RALA: variants seen among roughly 807,000 people sequenced by gnomAD.
RALA encodes the protein ras-related protein Ral-A.
In RALA, 5 loss-of-function variants were observed where a neutral mutation model predicts 24.0. The ratio of observed to expected loss-of-function variants is 0.21; its 90% CI spans 0.11 to 0.44. RALA has a LOEUF of 0.44. RALA is among the 20% of genes least tolerant of loss of function. RALA has a pLI of 0.99. For missense variants in RALA, 95 were observed against 241.2 expected, an observed-to-expected ratio of 0.39 and a Z score of 4.01; for synonymous variants, 77 against 83.8, an observed-to-expected ratio of 0.92 and a Z score of 0.44.
chr7:39,662,902 G>T (rs1279073476), intron 1 of RALA, among the ~76,000 whole-genome samples: 1 of 152,170 alleles, frequency 6.6e-6, no homozygotes, highest in Non-Finnish European at 1.5e-5. Context: ...TCCAAGACTG[G>T]GTAATTTATA....
intron 1 of RALA, among the ~76,000 whole-genome samples, chr7:39,661,247 C>T (rs1792183422): frequency 6.6e-6 from 1 of 152,170 alleles, no homozygotes; most frequent in South Asian, 2.1e-4. Context: ...GGGTACACAA[C>T]CAAACCATGT....
At chr7:39,624,469 A>G (rs1000305589) in intron 1 of RALA, 5 of 152,176 alleles carry the variant, frequency 3.3e-5, no homozygotes, top group African/African-American at 1.2e-4. Context: ...ACATTTTGGG[A>G]GAGAGGTGTT....
At chr7:39,704,467 G>A (rs570832062) in intron 4 of RALA, among the ~76,000 whole-genome samples, 5 of 151,538 alleles carry the variant, frequency 3.3e-5, no homozygotes, top group African/African-American at 1.2e-4. Context: ...ACAGGCATAC[G>A]CCACCACACC....
chr7:39,627,077 CTT>C (rs548792732), intron 1 of RALA, among the ~76,000 whole-genome samples: 3 of 145,936 alleles, frequency 2.1e-5, no homozygotes, highest in Non-Finnish European at 3.0e-5. Context: ...CTCTCTCTCT[CTT>C]TTTTTTTTTT....
Position 39,675,739 on chromosome 7 carries a change from T to TAA in RALA, c.-37-10871_-37-10870dup, listed in dbSNP as rs752072089. On this transcript the variant is annotated intron_variant, in intron 1 of 4. Coordinates refer to ENST00000005257, the MANE Select transcript of RALA (RefSeq NM_005402.4). ...CAGAGTGAGACCATGTCTGGGAAATTAAAAAAAAAAAAAAAAAAAAAACTG... is the reference window on the plus strand; with the variant it reads ...CAGAGTGAGACCATGTCTGGGAAATTAAAAAAAAAAAAAAAAAAAAAAAACTG... 3.7e-4 allele frequency among the ~76,000 whole-genome samples: 43 copies of TAA among 116,362 alleles called. 2 individuals are homozygous for TAA. In the South Asian group the frequency reaches 8.0e-3, roughly 22 times the overall value. 76.3% of individuals were successfully genotyped at this position (116,362 alleles called of 152,430 possible).
rs141823208 is a variant in RALA at position 39,707,839 on chromosome 7, G to T, written c.*1594G>T. 3.3e-5 allele frequency: 5 copies of T among 152,614 alleles called. No individual in the cohort carries two copies. The East Asian group carries it at 9.6e-4, about 29-fold the overall frequency. 9.5% of individuals were successfully genotyped at this position (152,614 alleles called of 1,614,324 possible). On this transcript the variant is annotated 3_prime_UTR_variant, in exon 5 of 5. Coordinates refer to ENST00000005257, the MANE Select transcript of RALA (RefSeq NM_005402.4). Reference sequence around the variant, plus strand: ...GTTTGAGATGTACATCTTTCATTTCGTATTTCTCATAGGCTATGCCATGTG... The same window carrying T: ...GTTTGAGATGTACATCTTTCATTTCTTATTTCTCATAGGCTATGCCATGTG...
At chr7:39,646,969 ATGT>A (rs1227326323) in intron 1 of RALA, among the ~76,000 whole-genome samples, 1 of 152,188 alleles carries the variant, frequency 6.6e-6, no homozygotes, top group African/African-American at 2.4e-5. Context: ...TAGTATATAA[ATGT>A]TGTGTTGGCA....
chr7:39,706,116 T>C lies in RALA; in HGVS notation c.499-7T>C. On this transcript the variant is annotated splice_polypyrimidine_tract_variant and splice_region_variant and intron_variant, in intron 4 of 4. Coordinates refer to ENST00000005257, the MANE Select transcript of RALA (RefSeq NM_005402.4). ...TGCTTTATTTATCCTATTTTTTTTC[T>C]TTCTAGGTATTTTTTGATTTAATGA... 3 of 1,595,292 alleles carry C rather than the reference T, an allele frequency of 1.9e-6. No individual in the cohort carries two copies. The highest frequency in any genetic ancestry group is 2.6e-6 in the Non-Finnish European group (3 of 1,170,890).
At chr7:39,645,554 G>A (rs754969763) in intron 1 of RALA, among the ~76,000 whole-genome samples, 9 of 152,076 alleles carry the variant, frequency 5.9e-5, no homozygotes, top group South Asian at 2.1e-4. Flanking sequence ...TCCATTTATC[G>A]TCAGTAAAGT....
intron 1 of RALA, among the ~76,000 whole-genome samples, chr7:39,678,300 G>A (rs1206586738): frequency 6.6e-6 from 1 of 152,114 alleles, no homozygotes; most frequent in East Asian, 1.9e-4. Flanking sequence ...TGCTGCAGCA[G>A]AAACGGGAAA....
intron 1 of RALA, among the ~76,000 whole-genome samples, chr7:39,647,197 C>A (rs1284492416): frequency 1.3e-5 from 2 of 152,190 alleles, no homozygotes; most frequent in Non-Finnish European, 2.9e-5. Context: ...CATGTGCCAG[C>A]ATGCCCAGCT....
In RALA at chr7:39,646,464, A is replaced by AT. The variant is rs1791924418; in HGVS notation, c.-38+22646dup. On this transcript the variant is annotated intron_variant, in intron 1 of 4. Transcript: ENST00000005257. ...AGTGAGACCCCCATTTATACAAAAA[A>AT]TTTTTTTAAATGAGCCAGATGTGGC... Among the ~76,000 whole-genome samples the AT allele has an allele frequency of 2.0e-5, 3 of 151,600 alleles. No homozygotes were observed. In the South Asian group the frequency reaches 6.2e-4, roughly 31 times the overall value.
chr7:39,686,258 A>G (rs1051623159), intron 1 of RALA, among the ~76,000 whole-genome samples: 2 of 152,154 alleles, frequency 1.3e-5, no homozygotes, highest in Non-Finnish European at 2.9e-5. Flanking sequence ...GCCAATATAA[A>G]TTAGTGTGAA....
chr7:39,688,196 G>A (rs1476823399), intron 2 of RALA, among the ~76,000 whole-genome samples: 4 of 152,164 alleles, frequency 2.6e-5, no homozygotes, highest in African/African-American at 9.7e-5. Context: ...TTGAGGCTAG[G>A]AGCTTGAACC....
intron 4 of RALA, among the ~76,000 whole-genome samples, chr7:39,704,848 G>T (rs1056163795): frequency 5.9e-5 from 9 of 151,598 alleles, no homozygotes; most frequent in African/African-American, 2.2e-4. Context: ...GCTAATTTTT[G>T]TATTTTTTGT....
intron 1 of RALA, among the ~76,000 whole-genome samples, chr7:39,645,396 A>C (rs1791907798): frequency 6.6e-6 from 1 of 152,170 alleles, no homozygotes; most frequent in Admixed American, 6.5e-5. Flanking sequence ...GTTGTTACTA[A>C]TGTGTGTTTT....
rs1291993661 is a variant in RALA, at chr7:39,668,781, GA to G, written c.-37-17849del. ...CATTGCACTCCAGCCTGAGCAACAAGAGCGAAATTCCATCTCAAAAAAAAAA... is the reference window on the plus strand; with the variant it reads ...CATTGCACTCCAGCCTGAGCAACAAGGCGAAATTCCATCTCAAAAAAAAAA... On this transcript the variant is annotated intron_variant, in intron 1 of 4. Coordinates refer to ENST00000005257, the MANE Select transcript of RALA (RefSeq NM_005402.4). 2.2e-5 allele frequency among the ~76,000 whole-genome samples: 3 copies of G among 139,422 alleles called. No homozygotes were observed. In the Admixed American group the frequency reaches 2.3e-4, roughly 11 times the overall value. The allele number at this position is 139,422 out of a possible 152,430, so 91.5% of individuals were successfully genotyped here.
chr7:39,692,647 A>C (rs1160060290), intron 3 of RALA, among the ~76,000 whole-genome samples: 2 of 152,222 alleles, frequency 1.3e-5, no homozygotes, highest in Non-Finnish European at 2.9e-5. Flanking sequence ...CTCGGAACCC[A>C]GTAGGTCCAG....
At chr7:39,698,233 C>T (rs1792957072) in intron 4 of RALA, among the ~76,000 whole-genome samples, 1 of 152,286 alleles carries the variant, frequency 6.6e-6, no homozygotes, top group South Asian at 2.1e-4. Flanking sequence ...AAGGCCCCAT[C>T]TCTTATTGCC....
Sources: allele counts gnomAD v4.1 joint callset (sites outside exome capture counted in the v4.1 genomes callset), GRCh38; gene constraint gnomAD v4.1.1; transcripts MANE v1.5; gene names NCBI Gene and HGNC (gene_info 2026-07-23, HGNC 2026-07-21).